Variants in MAP4 observed in about 807,000 individuals in gnomAD.
MAP4 encodes the protein microtubule associated protein 4, also known as microtubule-associated protein 4.
Under a neutral mutation model 170.2 loss-of-function variants are expected in MAP4, and 76 were observed. That is an observed-to-expected ratio of 0.45 (90% CI 0.37 to 0.54). The LOEUF is 0.54. Among genes scored for constraint, MAP4 ranks in the 20% least tolerant of loss-of-function variants. The probability of loss-of-function intolerance (pLI) is 0.00; values close to 1 mark genes in which losing one functional copy is unlikely to be tolerated. For synonymous variants in MAP4, 909 were observed against 994.5 expected (o/e 0.91, Z 1.62); for missense variants, 2,506 against 2,748.0 (o/e 0.91, Z 1.97).
At chr3:47,857,398 G>C in intron 18 of MAP4, 33 bp downstream of exon 18, 2 of 1,586,546 alleles carry the variant, frequency 1.3e-6, no homozygotes, top group Middle Eastern at 1.7e-4. Context: ...GACATACCCT[G>C]GAGACCCAGT....
intron 1 of MAP4, among the ~76,000 whole-genome samples, chr3:48,057,062 G>C (rs2100132470): frequency 6.7e-6 from 1 of 150,082 alleles, no homozygotes; most frequent in African/African-American, 2.5e-5. Flanking sequence ...GCCCCTACTG[G>C]GAAGTGAGGA....
chr3:48,082,726 A>T (rs913641175), intron 1 of MAP4, among the ~76,000 whole-genome samples: 1 of 148,392 alleles, frequency 6.7e-6, no homozygotes, highest in Non-Finnish European at 1.5e-5. Context: ...TGAATTGGGT[A>T]GGCAGAGGTT....
At chr3:48,035,463 G>C (rs762281943) in intron 1 of MAP4, among the ~76,000 whole-genome samples, 2 of 151,668 alleles carry the variant, frequency 1.3e-5, no homozygotes, top group Non-Finnish European at 2.9e-5. Flanking sequence ...GGGAGATCCC[G>C]TCTCAACAAA....
chr3:48,069,676 T>TGAAAA (rs1294578909), intron 1 of MAP4, among the ~76,000 whole-genome samples: 1 of 152,180 alleles, frequency 6.6e-6, no homozygotes, highest in Non-Finnish European at 1.5e-5. Context: ...AAACATTTTT[T>TGAAAA]TGTCCCTATT....
chr3:48,046,047 C>T lies in MAP4; in HGVS notation c.-20+42726G>A, dbSNP rs368506259. On this transcript the variant is annotated intron_variant, in intron 1 of 18. Transcript: ENST00000360240. ...ACTTATGTAGATAAGCTCACCTTCA[C>T]TAAGTTATTTCGGCTACATATCCAG... Among the ~76,000 whole-genome samples, 7 of 146,474 alleles carry T rather than the reference C, an allele frequency of 4.8e-5. No homozygotes were observed. The East Asian group carries it at 1.2e-3, about 26-fold the overall frequency.
intron 3 of MAP4, among the ~76,000 whole-genome samples, chr3:47,969,791 C>CA (rs1164700989): frequency 6.6e-6 from 1 of 151,150 alleles, no homozygotes; most frequent in African/African-American, 2.4e-5. Context: ...GCCCAGGAGG[C>CA]AGAGCTTGCA....
rs1559430802 is a variant in MAP4, at chr3:47,912,349, G to A, written c.2072C>T (p.Thr691Ile). 6.5e-7 allele frequency: 1 copy of A among 1,535,788 alleles called. No homozygotes were observed. The highest frequency in any genetic ancestry group is 8.7e-7 in the Non-Finnish European group (1 of 1,146,720). Residue 691 changes from threonine (T) to isoleucine (I), a missense_variant, in exon 9 of 21, where the codon ACC (threonine) becomes ATC (isoleucine). Coordinates refer to ENST00000683076, the MANE Select transcript of MAP4 (RefSeq NM_001385682.1). Reference sequence around the variant, plus strand: ...AGGGACCCTGGCAGGCTTGGGCCGGGTTGACCTGCGGTCACTGGGTCTGCA... The same window carrying A: ...AGGGACCCTGGCAGGCTTGGGCCGGATTGACCTGCGGTCACTGGGTCTGCA... ...QVCRPSDRRS[T>I]RPKPARVPPE...
chr3:47,861,380 A>G (rs893313642), intron 17 of MAP4, among the ~76,000 whole-genome samples: 13 of 149,772 alleles, frequency 8.7e-5, no homozygotes, highest in African/African-American at 3.2e-4. Flanking sequence ...TTGAGACCAA[A>G]TCTCACTTTG....
chr3:47,947,090 C>T (rs999538163), intron 3 of MAP4, among the ~76,000 whole-genome samples: 10 of 152,146 alleles, frequency 6.6e-5, no homozygotes, highest in Non-Finnish European at 1.3e-4. Flanking sequence ...TTCCCAAGTA[C>T]AGCAAATTAT....
intron 1 of MAP4, among the ~76,000 whole-genome samples, chr3:48,084,838 T>C (rs374834865): frequency 7.6e-4 from 115 of 151,920 alleles, no homozygotes; most frequent in African/African-American, 2.8e-3. Flanking sequence ...AGACAGGGTC[T>C]CACTATGTTA....
intron 3 of MAP4, chr3:47,975,192 C>G: frequency 8.2e-7 from 1 of 1,214,648 alleles, no homozygotes; most frequent in South Asian, 3.6e-5. Context: ...GTAAAAATTA[C>G]TAAAATTAAA....
intron 16 of MAP4, 56 bp from the exon 17 acceptor site, chr3:47,867,394 G>C: frequency 8.3e-7 from 1 of 1,203,168 alleles, no homozygotes; most frequent in South Asian, 1.2e-5. Context: ...GGTTAGAACC[G>C]ACACAGGGAA....
intron 1 of MAP4, among the ~76,000 whole-genome samples, chr3:48,086,859 T>C (rs1230936120): frequency 1.3e-5 from 2 of 152,214 alleles, no homozygotes; most frequent in African/African-American, 4.8e-5. Context: ...GGTGAGTTTG[T>C]TTACTTTGCA....
chr3:47,862,949 C>T (rs377020126), intron 17 of MAP4, among the ~76,000 whole-genome samples: 95 of 151,518 alleles, frequency 6.3e-4, no homozygotes, highest in African/African-American at 2.2e-3. Flanking sequence ...TTTGAAAATT[C>T]CCACAATAAA....
At chr3:47,942,047 C>T (rs2100056838) in intron 3 of MAP4, among the ~76,000 whole-genome samples, 1 of 152,086 alleles carries the variant, frequency 6.6e-6, no homozygotes, top group Non-Finnish European at 1.5e-5. Flanking sequence ...TAGTCCAAAT[C>T]CCTATATACT....
chr3:47,930,582 T>A (rs2100049142), intron 3 of MAP4, among the ~76,000 whole-genome samples: 1 of 152,176 alleles, frequency 6.6e-6, no homozygotes, highest in Non-Finnish European at 1.5e-5. Context: ...AAGATTTGTA[T>A]GTAGAAGAGA....
rs765514092 is a variant in MAP4 at position 47,916,500 on chromosome 3, C to T, written c.1327G>A (p.Glu443Lys). 6.2e-7 allele frequency: 1 copy of T among 1,614,198 alleles called. No homozygotes were observed. The highest frequency in any genetic ancestry group is 8.5e-7 in the Non-Finnish European group (1 of 1,180,032). The change falls in exon 7 of 21, where the codon GAG becomes AAG. Residue 443 changes from glutamate to lysine, a missense_variant. This residue lies in a region of MAP4 where 2,008 missense variants were observed against 2,206.0 expected (regional missense o/e 0.91). Transcript: ENST00000683076. ...GTCATGTCCCTGGCCAGGGCTACCT[C>T]TGTTTCTGAGGACAAAGCCACCTTC... ...AEKVALSSETEVALARDMTLP... is the reference protein window; with the variant it reads ...AEKVALSSETKVALARDMTLP...
At chr3:47,959,794 A>G (rs1204480097) in intron 3 of MAP4, among the ~76,000 whole-genome samples, 1 of 151,836 alleles carries the variant, frequency 6.6e-6, no homozygotes, top group East Asian at 1.9e-4. Context: ...CATGAAGAAC[A>G]TTTTGCTATA....
At chr3:48,002,420 G>A (rs548897139) in intron 1 of MAP4, among the ~76,000 whole-genome samples, 1 of 151,924 alleles carries the variant, frequency 6.6e-6, no homozygotes, top group South Asian at 2.1e-4. Flanking sequence ...AAATTAGCTG[G>A]GTACGGTGGC....
Sources: allele counts gnomAD v4.1 joint callset (sites outside exome capture counted in the v4.1 genomes callset), GRCh38; gene constraint gnomAD v4.1.1; regional missense constraint gnomAD v4.1.1; transcripts MANE v1.5; gene names NCBI Gene and HGNC (gene_info 2026-07-23, HGNC 2026-07-21).